RMDN2: variants seen among roughly 807,000 people sequenced by gnomAD.
The protein encoded by RMDN2 is regulator of microtubule dynamics 2, also known as regulator of microtubule dynamics protein 2.
Under a neutral mutation model 52.8 loss-of-function variants are expected in RMDN2, and 61 were observed. The ratio of observed to expected loss-of-function variants is 1.16; its 90% CI spans 0.94 to 1.43. RMDN2 has a LOEUF of 1.43. Among genes scored for constraint, RMDN2 ranks in the 40% most tolerant of loss-of-function variants. The pLI is 0.00. For synonymous variants in RMDN2, 180 were observed against 153.1 expected (o/e 1.18, Z -1.30); for missense variants, 592 against 475.3 (o/e 1.25, Z -2.28).
intron 10 of RMDN2, among the ~76,000 whole-genome samples, chr2:38,043,249 TCTC>T (rs1159525879): frequency 6.6e-6 from 1 of 152,164 alleles, no homozygotes; most frequent in East Asian, 1.9e-4. Context: ...GTAGTGACCA[TCTC>T]TGTGTCTCTG....
intron 4 of RMDN2, among the ~76,000 whole-genome samples, chr2:37,975,565 G>A (rs745646208): frequency 1.3e-5 from 2 of 152,124 alleles, no homozygotes; most frequent in Non-Finnish European, 2.9e-5. Flanking sequence ...CTTGGGGTGG[G>A]AGGCTAGGGG....
At chr2:38,007,299 C>A (rs1677245180) in intron 10 of RMDN2, among the ~76,000 whole-genome samples, 1 of 152,150 alleles carries the variant, frequency 6.6e-6, no homozygotes, top group African/African-American at 2.4e-5. Context: ...CCTCCTTGTA[C>A]CTCTGGTAGA....
At chr2:38,013,896 C>T (rs2125236318) in intron 10 of RMDN2, among the ~76,000 whole-genome samples, 1 of 152,274 alleles carries the variant, frequency 6.6e-6, no homozygotes, top group South Asian at 2.1e-4. Context: ...GAGAATTATT[C>T]CTAGTACTTT....
chr2:37,960,369 C>T (rs1670045828), intron 2 of RMDN2, among the ~76,000 whole-genome samples: 1 of 152,012 alleles, frequency 6.6e-6, no homozygotes, highest in Non-Finnish European at 1.5e-5. Context: ...GTTAGCTCTT[C>T]TTGTTGCACT....
intron 2 of RMDN2, among the ~76,000 whole-genome samples, chr2:37,967,634 A>G (rs1026436083): frequency 3.3e-4 from 50 of 152,326 alleles, no homozygotes; most frequent in Non-Finnish European, 6.5e-4. Flanking sequence ...TTAGTAGGAA[A>G]ATTCTGGGGA....
In RMDN2 at chr2:37,972,360, A is replaced by T. The variant is rs190468464; in HGVS notation, c.453-1680A>T. Among the ~76,000 whole-genome samples, 227 of 152,302 alleles carry T rather than the reference A, an allele frequency of 1.5e-3. 1 individual carries two copies. Among genetic ancestry groups the T allele is most frequent in the African/African-American group, 5.0e-3 (208 of 41,582 alleles). On this transcript the variant is annotated intron_variant, in intron 2 of 10. Coordinates refer to ENST00000354545, the MANE Select transcript of RMDN2 (RefSeq NM_001170791.3). ...ATGAATATCTGGAGAAGAACATACC[A>T]GGCAGAAGAAAGAAAAAATACAAAG...
chr2:38,058,193 T>C (rs1033249257), intron 10 of RMDN2, among the ~76,000 whole-genome samples: 7 of 152,222 alleles, frequency 4.6e-5, no homozygotes, highest in African/African-American at 1.7e-4. Context: ...GATGTTGACT[T>C]CTCTGCCTTT....
intron 10 of RMDN2, among the ~76,000 whole-genome samples, chr2:38,045,372 A>T (rs1681208687): frequency 6.6e-6 from 1 of 152,256 alleles, no homozygotes; most frequent in African/African-American, 2.4e-5. Context: ...GCTTAACAGA[A>T]GAAACTGCTG....
intron 2 of RMDN2, among the ~76,000 whole-genome samples, chr2:37,941,146 G>A (rs1371039916): frequency 6.6e-6 from 1 of 152,172 alleles, no homozygotes; most frequent in African/African-American, 2.4e-5. Flanking sequence ...CTAACAGTCA[G>A]GCCCCTCTTC....
chr2:38,013,001 G>T (rs112051285), intron 10 of RMDN2, among the ~76,000 whole-genome samples: 3 of 152,202 alleles, frequency 2.0e-5, no homozygotes, highest in African/African-American at 7.2e-5. Flanking sequence ...AGTGTCAGTC[G>T]TTTGGTCTCT....
chr2:37,942,414 A>G (rs187740731), intron 2 of RMDN2, among the ~76,000 whole-genome samples: 369 of 152,226 alleles, frequency 2.4e-3, no homozygotes, highest in African/African-American at 8.2e-3. Flanking sequence ...TTCCTTCATA[A>G]TTCCTTAGGC....
chr2:38,018,059 TGGTGG>T (rs1679041499), downstream of RMDN2, among the ~76,000 whole-genome samples: 1 of 152,162 alleles, frequency 6.6e-6, no homozygotes, highest in African/African-American at 2.4e-5. Context: ...ACTTCTTTTG[TGGTGG>T]AATGTCATCA....
intron 10 of RMDN2, among the ~76,000 whole-genome samples, chr2:38,043,487 G>A (rs558725648): frequency 6.6e-6 from 1 of 152,204 alleles, no homozygotes; most frequent in Non-Finnish European, 1.5e-5. Flanking sequence ...CACATTTGAA[G>A]TGATTGTTGA....
At chr2:37,967,642 G>A (rs1188643307) in intron 2 of RMDN2, among the ~76,000 whole-genome samples, 1 of 152,132 alleles carries the variant, frequency 6.6e-6, no homozygotes, top group Non-Finnish European at 1.5e-5. Context: ...AAAATTCTGG[G>A]GAAAGCATCA....
intron 2 of RMDN2, among the ~76,000 whole-genome samples, chr2:37,933,528 G>A (rs967430599): frequency 2.6e-5 from 4 of 152,252 alleles, no homozygotes; most frequent in Admixed American, 6.5e-5. Context: ...CCGGCACCTC[G>A]GGAGGCCGAG....
intron 10 of RMDN2, among the ~76,000 whole-genome samples, chr2:38,045,299 T>C (rs1237714766): frequency 1.3e-5 from 2 of 152,190 alleles, no homozygotes; most frequent in African/African-American, 2.4e-5. Flanking sequence ...GTCGAACCAG[T>C]TTTGCATTTC....
chr2:37,933,626 G>T (rs1432199217), intron 2 of RMDN2, among the ~76,000 whole-genome samples: 1 of 152,262 alleles, frequency 6.6e-6, no homozygotes, highest in Non-Finnish European at 1.5e-5. Flanking sequence ...ACGAAAACCA[G>T]TCAGGCGTGG....
chr2:38,052,388 CTGTTTTGTTGAG>C (rs1443609561), intron 10 of RMDN2, among the ~76,000 whole-genome samples: 1 of 152,088 alleles, frequency 6.6e-6, no homozygotes, highest in Non-Finnish European at 1.5e-5. Context: ...GGTTTTCTTT[CTGTTTTGTTGAG>C]TTCCTTGTAT....
chr2:38,027,126 G>A (rs1420467340), intron 10 of RMDN2: 1 of 152,206 alleles, frequency 6.6e-6, no homozygotes, highest in Non-Finnish European at 1.5e-5. Flanking sequence ...TACATCAAGT[G>A]TCTTTCAAGC....
Sources: allele counts gnomAD v4.1 joint callset (sites outside exome capture counted in the v4.1 genomes callset), GRCh38; gene constraint gnomAD v4.1.1; transcripts MANE v1.5; gene names NCBI Gene and HGNC (gene_info 2026-07-23, HGNC 2026-07-21).